CACNA1C: variants seen among roughly 807,000 people sequenced by gnomAD.
The protein encoded by CACNA1C is voltage-dependent L-type calcium channel subunit alpha-1C.
Under a neutral mutation model 229.0 loss-of-function variants are expected in CACNA1C, and 30 were observed. The observed-to-expected ratio is 0.13, with a 90% CI of 0.10 to 0.18. The LOEUF (loss-of-function observed/expected upper bound fraction) is 0.18. Among genes scored for constraint, CACNA1C ranks in the 10% least tolerant of loss-of-function variants. The probability of loss-of-function intolerance (pLI) is 1.00; values close to 1 mark genes in which losing one functional copy is unlikely to be tolerated. For missense variants in CACNA1C, 1,658 were observed against 2,845.0 expected (o/e 0.58, Z 9.49); for synonymous variants, 1,114 against 1,132.5 (o/e 0.98, Z 0.33).
chr12:2,034,916 G>A lies in CACNA1C; in HGVS notation c.139+63715G>A, dbSNP rs1166859102. Among the ~76,000 whole-genome samples the A allele has an allele frequency of 1.3e-5, 2 of 152,204 alleles. No individual in the cohort carries two copies. Among genetic ancestry groups the A allele is most frequent in the Admixed American group, 6.5e-5 (1 of 15,278 alleles). On this transcript the variant is annotated intron_variant, in intron 1 of 46. Transcript: ENST00000682462. This position sits in a 1 kb window ranked among gnomAD's most constrained non-coding sequence, Gnocchi z 4.1. ...TATGGGACACCGAATCCAACTTTGC[G>A]GGACAGGGGAAGAAGCCTTAGGAGC...
chr12:2,622,053 G>A (rs2083528357), intron 29 of CACNA1C, among the ~76,000 whole-genome samples: 1 of 152,184 alleles, frequency 6.6e-6, no homozygotes, highest in East Asian at 1.9e-4. Flanking sequence ...AGAGGAAGGA[G>A]AAGGAAAGGG....
At chr12:1,998,811 A>G (rs1458727960) in intron 1 of CACNA1C, among the ~76,000 whole-genome samples, 5 of 152,202 alleles carry the variant, frequency 3.3e-5, no homozygotes, top group Admixed American at 2.0e-4. Context: ...CAGAATTTAA[A>G]ATGTACTTTT....
rs2058240407 is a variant in CACNA1C, at chr12:2,575,979, G to T, written c.1896-5611G>T. On this transcript the variant is annotated intron_variant, in intron 13 of 46. Transcript: ENST00000399655. This position sits in a 1 kb window ranked among gnomAD's most constrained non-coding sequence, Gnocchi z 4.0. ...CAGACCTAGAGACGGGGAAACAAAT[G>T]GAGATAAAAGGATTTCTGAACAGAT... 6.6e-6 allele frequency among the ~76,000 whole-genome samples: 1 copy of T among 152,144 alleles called. No homozygotes were observed. The highest frequency in any genetic ancestry group is 6.5e-5 in the Admixed American group (1 of 15,274).
rs2053466293 is a variant in CACNA1C, at chr12:2,054,033, C to T, written c.49+422C>T. On this transcript the variant is annotated intron_variant, in intron 1 of 46. Transcript: ENST00000399655. The surrounding 1 kb of genome is among the most constrained non-coding windows in gnomAD (Gnocchi z 5.5). ...GTCCCTCGCCCGGCTCGGGGCGCGG[C>T]TGGGAGCGCGCGCGCGCGCACCCTG... Among the ~76,000 whole-genome samples the T allele has an allele frequency of 1.4e-5, 2 of 146,810 alleles. No individual in the cohort carries two copies. Among genetic ancestry groups the T allele is most frequent in the Admixed American group, 1.4e-4 (2 of 14,802 alleles).
rs548585099 is a variant in CACNA1C, at chr12:2,630,291, T to C, written c.3829-4006T>C. ...CACCCTCCCTTCTCCATTACACCCTTAAAACCCCTATTACTAATGGTTTCC... is the reference window on the plus strand; with the variant it reads ...CACCCTCCCTTCTCCATTACACCCTCAAAACCCCTATTACTAATGGTTTCC... On this transcript the variant is annotated intron_variant, in intron 29 of 46. Transcript: ENST00000399655. This position sits in a 1 kb window ranked among gnomAD's most constrained non-coding sequence, Gnocchi z 5.4. 8.7e-4 allele frequency among the ~76,000 whole-genome samples: 132 copies of C among 152,222 alleles called. No homozygotes were observed. Among genetic ancestry groups the C allele is most frequent in the African/African-American group, 3.1e-3 (128 of 41,526 alleles).
chr12:2,177,638 T>C (rs1236568644), intron 3 of CACNA1C, among the ~76,000 whole-genome samples: 11 of 135,738 alleles, frequency 8.1e-5, no homozygotes, highest in African/African-American at 2.5e-4. Context: ...CTCTCTCTCT[T>C]TCTTTCTTTC....
At chr12:2,243,128 G>A (rs964877958) in intron 3 of CACNA1C, among the ~76,000 whole-genome samples, 20 of 152,248 alleles carry the variant, frequency 1.3e-4, no homozygotes, top group Middle Eastern at 3.4e-3. Context: ...TTACTTATAT[G>A]GGTTATTACT....
chr12:2,506,922 G>A (rs563041117), intron 8 of CACNA1C, among the ~76,000 whole-genome samples: 47 of 152,252 alleles, frequency 3.1e-4, no homozygotes, highest in African/African-American at 1.1e-3. Context: ...TGAGCAGAGC[G>A]TCTGCCCAGG....
intron 3 of CACNA1C, among the ~76,000 whole-genome samples, chr12:2,268,479 GT>G (rs1383530078): frequency 6.6e-6 from 1 of 152,220 alleles, no homozygotes; most frequent in Non-Finnish European, 1.5e-5. Context: ...AGAAAGGGAA[GT>G]TTTGAAAAGC....
intron 1 of CACNA1C, among the ~76,000 whole-genome samples, chr12:1,996,766 A>G (rs2041028163): frequency 6.6e-6 from 1 of 151,940 alleles, no homozygotes; most frequent in South Asian, 2.1e-4. Context: ...AGCTTGCGAT[A>G]AAGCCTTCCA....
At chr12:2,386,944 C>G (rs1458456954) in intron 3 of CACNA1C, among the ~76,000 whole-genome samples, 1 of 152,196 alleles carries the variant, frequency 6.6e-6, no homozygotes, top group East Asian at 1.9e-4. Context: ...TACTGCCATT[C>G]CTGTGATGGA....
In CACNA1C at chr12:2,595,073, A is replaced by G. The variant is rs1276948235; in HGVS notation, c.2664-801A>G. Among the ~76,000 whole-genome samples the G allele has an allele frequency of 6.6e-6, 1 of 152,180 alleles. No individual in the cohort carries two copies. Among genetic ancestry groups the G allele is most frequent in the Non-Finnish European group, 1.5e-5 (1 of 68,036 alleles). ...CCATCTCCTAACTCTTATAAACCAG[A>G]ATTGTCTGAGAGAGTTTGGCCCTTC... On this transcript the variant is annotated intron_variant, in intron 19 of 46. Coordinates refer to ENST00000399655, the MANE Select transcript of CACNA1C (RefSeq NM_000719.7). This position sits in a 1 kb window ranked among gnomAD's most constrained non-coding sequence, Gnocchi z 4.1.
chr12:2,185,644 C>A (rs1181607189), intron 3 of CACNA1C, among the ~76,000 whole-genome samples: 2 of 152,218 alleles, frequency 1.3e-5, no homozygotes, highest in East Asian at 3.8e-4. Flanking sequence ...CAACTGCAAG[C>A]CATGGCGGGA....
chr12:2,476,067 G>A (rs947953298), intron 5 of CACNA1C, among the ~76,000 whole-genome samples: 8 of 152,346 alleles, frequency 5.3e-5, no homozygotes, highest in Middle Eastern at 3.4e-3. Context: ...GGCAGATGCC[G>A]AAGGAGATCT....
chr12:2,441,595 G>A (rs570901020), intron 3 of CACNA1C, among the ~76,000 whole-genome samples: 8 of 152,116 alleles, frequency 5.3e-5, no homozygotes, highest in African/African-American at 9.7e-5. Flanking sequence ...AGGGCCTGGC[G>A]GTCTCCCTCG....
At position 2,277,332 on chromosome 12, in the gene CACNA1C, T is replaced by TAGAC. The variant is rs1282160208; in HGVS notation, c.477+156932_477+156935dup. Among the ~76,000 whole-genome samples the TAGAC allele has an allele frequency of 1.2e-3, 140 of 116,982 alleles. 3 individuals are homozygous for TAGAC. The highest frequency in any genetic ancestry group is 3.9e-3 in the East Asian group (16 of 4,108). The allele number at this position is 116,982 out of a possible 152,430, so 76.7% of individuals were successfully genotyped here. The stretch of plus-strand genomic sequence containing the variant: ...TTAATTCATCTCTCTCTCCTTCTAG[T>TAGAC]AGACAGACAGACAGACAGACAGACA... On this transcript the variant is annotated intron_variant, in intron 3 of 46. Coordinates refer to ENST00000399655, the MANE Select transcript of CACNA1C (RefSeq NM_000719.7).
At chr12:2,428,458 T>C (rs1417756390) in intron 3 of CACNA1C, among the ~76,000 whole-genome samples, 2 of 152,212 alleles carry the variant, frequency 1.3e-5, no homozygotes, top group African/African-American at 4.8e-5. Flanking sequence ...TTAGTTCTAT[T>C]TGGGGGGCTA....
chr12:2,567,519 C>G (rs775147609), intron 12 of CACNA1C, 50 bp from the exon 13 acceptor site: 1 of 1,177,282 alleles, frequency 8.5e-7, no homozygotes, highest in Non-Finnish European at 1.2e-6. Flanking sequence ...GCCTCCCTCT[C>G]TGCCTCCTCT....
intron 1 of CACNA1C, among the ~76,000 whole-genome samples, chr12:2,089,339 A>G (rs1387835100): frequency 6.6e-6 from 1 of 152,232 alleles, no homozygotes; most frequent in African/African-American, 2.4e-5. Context: ...GCATGAAGCT[A>G]GGAACACACT....
Sources: allele counts gnomAD v4.1 joint callset (sites outside exome capture counted in the v4.1 genomes callset), GRCh38; gene constraint gnomAD v4.1.1; non-coding constraint Gnocchi (gnomAD v3.1); transcripts MANE v1.5; gene names NCBI Gene and HGNC (gene_info 2026-07-23, HGNC 2026-07-21).